The following SPIRE1 variants were observed in gnomAD, a reference collection of about 807,000 sequenced individuals.
The protein encoded by SPIRE1 is protein spire homolog 1.
SPIRE1 carries 40 observed loss-of-function variants against 94.1 expected under a neutral mutation model. That is an observed-to-expected ratio of 0.43 (90% CI 0.33 to 0.55). The LOEUF is 0.55. Ranked by LOEUF, SPIRE1 falls within the 20% of genes least tolerant of loss-of-function variation. The pLI is 0.06. For synonymous variants in SPIRE1, 376 were observed against 371.7 expected (o/e 1.01, Z -0.13); for missense variants, 838 against 975.2 (o/e 0.86, Z 1.87).
chr18:12,627,710 C>T (rs917909109), intron 2 of SPIRE1, among the ~76,000 whole-genome samples: 4 of 152,204 alleles, frequency 2.6e-5, no homozygotes, highest in African/African-American at 9.6e-5. Context: ...ACATCATCTC[C>T]AGCATCTGTT....
At chr18:12,570,056 C>T (rs1039443551) in intron 2 of SPIRE1, among the ~76,000 whole-genome samples, 3 of 152,188 alleles carry the variant, frequency 2.0e-5, no homozygotes, top group Non-Finnish European at 4.4e-5. Context: ...CACACTAACA[C>T]CAATGCTTCA....
At chr18:12,588,677 C>G (rs1224252167) in intron 2 of SPIRE1, among the ~76,000 whole-genome samples, 1 of 149,352 alleles carries the variant, frequency 6.7e-6, no homozygotes, top group African/African-American at 2.4e-5. Flanking sequence ...CTTACTACTC[C>G]CTTTCTTACA....
At chr18:12,553,048 T>G (rs1318194801) in intron 2 of SPIRE1, among the ~76,000 whole-genome samples, 1 of 152,094 alleles carries the variant, frequency 6.6e-6, no homozygotes, top group Non-Finnish European at 1.5e-5. Context: ...AATGAGTCCT[T>G]GGGCCCTAAA....
chr18:12,461,821 C>T (rs908050073), intron 12 of SPIRE1, among the ~76,000 whole-genome samples: 1 of 152,084 alleles, frequency 6.6e-6, no homozygotes, highest in Non-Finnish European at 1.5e-5. Flanking sequence ...TTTGTACAGA[C>T]AGGGGTTTCT....
At chr18:12,470,692 G>A (rs1357863618) in intron 10 of SPIRE1, among the ~76,000 whole-genome samples, 6 of 152,156 alleles carry the variant, frequency 3.9e-5, no homozygotes, top group East Asian at 1.9e-4. Context: ...ATACCCTCTC[G>A]TGTCTATTCC....
intron 2 of SPIRE1, among the ~76,000 whole-genome samples, chr18:12,583,432 T>C (rs533701357): frequency 6.6e-6 from 1 of 152,120 alleles, no homozygotes; most frequent in Non-Finnish European, 1.5e-5. Context: ...TGAAACCTCA[T>C]CTCTACTAAA....
At chr18:12,599,899 C>T (rs2036783200) in intron 2 of SPIRE1, among the ~76,000 whole-genome samples, 1 of 152,236 alleles carries the variant, frequency 6.6e-6, no homozygotes, top group Non-Finnish European at 1.5e-5. Context: ...GTGCTTCTAA[C>T]TGACAGAATA....
At chr18:12,606,039 G>A (rs1450909354) in intron 2 of SPIRE1, among the ~76,000 whole-genome samples, 1 of 152,066 alleles carries the variant, frequency 6.6e-6, no homozygotes, top group Non-Finnish European at 1.5e-5. Flanking sequence ...CTGCTCAAAT[G>A]TCACCTCTAT....
rs1269122587 is a variant in SPIRE1 at position 12,479,871 on chromosome 18, T to A, written c.1232A>T (p.Asp411Val). 1.2e-6 allele frequency: 2 copies of A among 1,611,044 alleles called. No individual in the cohort carries two copies. Among genetic ancestry groups the A allele is most frequent in the Non-Finnish European group, 1.7e-6 (2 of 1,179,182 alleles). ...CTTTGTAGATTCAGGGGTAGTCACA[T>A]CTGGTAAAAAAGCAAAAGCTTACCT... ...LSMSYSFDLS[D>V]VTTPESTKNL... Residue 411 changes from aspartate to valine, a missense_variant and splice_region_variant, in exon 10 of 17, where the codon GAT (aspartate) becomes GTT (valine). Transcript: ENST00000409402.
intron 2 of SPIRE1, among the ~76,000 whole-genome samples, chr18:12,588,718 C>T (rs62097124): frequency 4.0e-5 from 6 of 151,472 alleles, no homozygotes; most frequent in African/African-American, 4.9e-5. Flanking sequence ...ATTGTCCTTA[C>T]GGGCAAATAT....
chr18:12,609,107 C>T (rs1041730766), intron 2 of SPIRE1, among the ~76,000 whole-genome samples: 2 of 152,194 alleles, frequency 1.3e-5, no homozygotes, highest in African/African-American at 2.4e-5. Context: ...CTATGAGAAT[C>T]TAATGCCACT....
chr18:12,621,271 T>C (rs1340914747), intron 2 of SPIRE1, among the ~76,000 whole-genome samples: 2 of 152,134 alleles, frequency 1.3e-5, no homozygotes, highest in African/African-American at 4.8e-5. Context: ...CCTTATACAC[T>C]GAGATGTCAA....
chr18:12,454,308 T>C, intron 13 of SPIRE1, 38 bp downstream of exon 13: 1 of 1,612,090 alleles, frequency 6.2e-7, no homozygotes, highest in Non-Finnish European at 8.5e-7. Context: ...CTGGCCATCC[T>C]TCTACTCTTC....
chr18:12,541,053 G>A (rs1205707958), intron 3 of SPIRE1, among the ~76,000 whole-genome samples: 1 of 152,246 alleles, frequency 6.6e-6, no homozygotes, highest in Middle Eastern at 3.4e-3. Context: ...GATAGGTCAC[G>A]CATTTGTTAT....
At chr18:12,650,218 A>G (rs572129396) in intron 1 of SPIRE1, among the ~76,000 whole-genome samples, 1 of 151,964 alleles carries the variant, frequency 6.6e-6, no homozygotes, top group Non-Finnish European at 1.5e-5. Context: ...CAGCCTGGGC[A>G]ACAGACTAAG....
chr18:12,636,847 G>A (rs558096291), intron 1 of SPIRE1, among the ~76,000 whole-genome samples: 2 of 152,226 alleles, frequency 1.3e-5, no homozygotes, highest in South Asian at 4.1e-4. Context: ...TGTTTGTTCA[G>A]ACCATTAATG....
At chr18:12,563,994 G>A (rs1276830302) in intron 2 of SPIRE1, among the ~76,000 whole-genome samples, 1 of 152,108 alleles carries the variant, frequency 6.6e-6, no homozygotes, top group Non-Finnish European at 1.5e-5. Context: ...CATATCTTCA[G>A]TTTCTTAAAC....
chr18:12,572,533 G>T (rs2035982740), intron 2 of SPIRE1, among the ~76,000 whole-genome samples: 1 of 152,048 alleles, frequency 6.6e-6, no homozygotes, highest in South Asian at 2.1e-4. Context: ...GATCGCTTGA[G>T]CCCAGAAAAA....
At chr18:12,571,869 C>T (rs2035967357) in intron 2 of SPIRE1, among the ~76,000 whole-genome samples, 1 of 152,160 alleles carries the variant, frequency 6.6e-6, no homozygotes, top group Admixed American at 6.6e-5. Context: ...GAGCTTTTGA[C>T]TTGGGGAAAA....
Sources: allele counts gnomAD v4.1 joint callset (sites outside exome capture counted in the v4.1 genomes callset), GRCh38; gene constraint gnomAD v4.1.1; transcripts MANE v1.5; gene names NCBI Gene and HGNC (gene_info 2026-07-23, HGNC 2026-07-21).